MALRD1: variants seen among roughly 807,000 people sequenced by gnomAD.
The protein encoded by MALRD1 is MAM and LDL receptor class A domain containing 1, also known as MAM and LDL-receptor class A domain-containing protein 1.
In MALRD1, 247 loss-of-function variants were observed where a neutral mutation model predicts 242.1. The ratio of observed to expected loss-of-function variants is 1.02; its 90% CI spans 0.92 to 1.13. The LOEUF is 1.13. Ranked by LOEUF, MALRD1 falls within the 50% of genes most tolerant of loss-of-function variation. The pLI is 0.00. For synonymous variants in MALRD1, 995 were observed against 866.6 expected, an observed-to-expected ratio of 1.15 and a Z score of -2.60; for missense variants, 2,989 against 2,533.1, an observed-to-expected ratio of 1.18 and a Z score of -3.86.
intron 38 of MALRD1, among the ~76,000 whole-genome samples, chr10:19,706,421 C>T (rs1420523942): frequency 1.3e-5 from 2 of 151,996 alleles, no homozygotes; most frequent in Admixed American, 6.6e-5. Flanking sequence ...TCTGCCCCCG[C>T]CCCCCTTGGC....
intron 18 of MALRD1, among the ~76,000 whole-genome samples, chr10:19,232,409 T>C (rs1275173702): frequency 6.6e-6 from 1 of 151,766 alleles, no homozygotes. Context: ...AATTCCTGAC[T>C]TCAAGTCATC....
chr10:19,223,433 T>A (rs927038678), intron 18 of MALRD1, among the ~76,000 whole-genome samples: 1 of 151,012 alleles, frequency 6.6e-6, no homozygotes, highest in Non-Finnish European at 1.5e-5. Flanking sequence ...TTTTTTTTTT[T>A]AACTCAAACA....
intron 18 of MALRD1, among the ~76,000 whole-genome samples, chr10:19,217,257 T>C (rs7097491): frequency 0.37 from 56,856 of 152,016 alleles, 11,412 homozygotes; most frequent in Middle Eastern, 0.47. Flanking sequence ...CCCATGTTTC[T>C]GTGTGCCTCT....
In MALRD1 at chr10:19,101,065, A is replaced by G. The variant is rs145418447; in HGVS notation, c.598-2914A>G. ...TAGTGAACATTATTTAATGCTAACT[A>G]TATACCAGGTGCTGTTTTACATGTT... is the stretch of plus-strand genomic sequence containing the variant. On this transcript the variant is annotated intron_variant, in intron 4 of 39. Transcript: ENST00000454679. Among the ~76,000 whole-genome samples the G allele has an allele frequency of 1.5e-3, 221 of 152,000 alleles. 1 individual carries two copies. The highest frequency in any genetic ancestry group is 2.7e-3 in the Admixed American group (41 of 15,244).
intron 32 of MALRD1, among the ~76,000 whole-genome samples, chr10:19,544,765 T>C (rs1314977347): frequency 6.6e-6 from 1 of 152,172 alleles, no homozygotes; most frequent in African/African-American, 2.4e-5. Context: ...TCTACCTTCT[T>C]GGCAATCATA....
chr10:19,339,339 A>G (rs962125465), intron 24 of MALRD1, among the ~76,000 whole-genome samples: 5 of 152,138 alleles, frequency 3.3e-5, no homozygotes, highest in Non-Finnish European at 7.4e-5. Context: ...TCCTGAGCTT[A>G]TATTTTTCTC....
At chr10:19,644,217 G>A (rs1840544444) in intron 36 of MALRD1, among the ~76,000 whole-genome samples, 3 of 152,164 alleles carry the variant, frequency 2.0e-5, no homozygotes, top group African/African-American at 4.8e-5. Context: ...AACTCTTGAT[G>A]TTAAGAAGGG....
intron 19 of MALRD1, among the ~76,000 whole-genome samples, chr10:19,268,621 C>A (rs1840064666): frequency 6.6e-6 from 1 of 152,096 alleles, no homozygotes. Context: ...ATATAAAGTA[C>A]AATGATTCAT....
intron 4 of MALRD1, among the ~76,000 whole-genome samples, chr10:19,101,286 A>T (rs1392794543): frequency 6.8e-6 from 1 of 146,652 alleles, no homozygotes; most frequent in African/African-American, 2.5e-5. Context: ...ATATGTAATA[A>T]ATATATAACA....
In MALRD1 at chr10:19,296,482, A is replaced by T. The variant is rs142759117; in HGVS notation, c.3419+13301A>T. Among the ~76,000 whole-genome samples, 272 of 152,222 alleles carry T rather than the reference A, an allele frequency of 1.8e-3. 1 individual carries two copies. The highest frequency in any genetic ancestry group is 3.1e-3 in the Non-Finnish European group (208 of 68,006). On this transcript the variant is annotated intron_variant, in intron 21 of 39. Transcript: ENST00000454679. ...TGCTGTCTTCATCATTTTGTGGGGA[A>T]AATTTCAGGAATGATAAATTATTCT... is the stretch of plus-strand genomic sequence containing the variant.
At chr10:19,556,570 C>T (rs538578416) in intron 32 of MALRD1, among the ~76,000 whole-genome samples, 3 of 152,170 alleles carry the variant, frequency 2.0e-5, no homozygotes, top group East Asian at 3.9e-4. Context: ...TGTAAGTCCC[C>T]TCTCTGTCTT....
chr10:19,195,549 A>G (rs1220220192), intron 14 of MALRD1, among the ~76,000 whole-genome samples: 1 of 152,056 alleles, frequency 6.6e-6, no homozygotes, highest in African/African-American at 2.4e-5. Context: ...TTTAATTGGG[A>G]TCTTAAATTT....
chr10:19,606,988 C>A (rs1218407972), intron 34 of MALRD1, among the ~76,000 whole-genome samples: 1 of 152,080 alleles, frequency 6.6e-6, no homozygotes, highest in Non-Finnish European at 1.5e-5. Flanking sequence ...TTAAATTAAT[C>A]ACGTTGTATA....
intron 11 of MALRD1, among the ~76,000 whole-genome samples, chr10:19,146,885 C>T (rs1270414095): frequency 6.6e-6 from 1 of 152,188 alleles, no homozygotes; most frequent in Non-Finnish European, 1.5e-5. Flanking sequence ...ACCATAACTA[C>T]CTGTGGTTTT....
intron 29 of MALRD1, among the ~76,000 whole-genome samples, chr10:19,455,893 T>C (rs1463667228): frequency 6.6e-6 from 1 of 152,150 alleles, no homozygotes; most frequent in Non-Finnish European, 1.5e-5. Context: ...TTTCAGTGCC[T>C]CTTTCTTAAT....
intron 28 of MALRD1, among the ~76,000 whole-genome samples, chr10:19,441,691 A>G (rs1376592308): frequency 3.3e-5 from 5 of 152,064 alleles, no homozygotes; most frequent in East Asian, 1.9e-4. Context: ...ATTGGTCTAT[A>G]TCTGTTTTTT....
At chr10:19,123,075 C>T (rs920745991) in intron 5 of MALRD1, among the ~76,000 whole-genome samples, 1 of 152,128 alleles carries the variant, frequency 6.6e-6, no homozygotes, top group East Asian at 1.9e-4. Flanking sequence ...AAAGCAGTTC[C>T]AGGGAAGATC....
At chr10:19,273,284 T>C (rs555208612) in intron 19 of MALRD1, among the ~76,000 whole-genome samples, 2 of 152,322 alleles carry the variant, frequency 1.3e-5, no homozygotes, top group African/African-American at 4.8e-5. Context: ...TCACGTTCAT[T>C]GCTGGTAGAA....
At chr10:19,480,170 A>G (rs1453833143) in intron 29 of MALRD1, among the ~76,000 whole-genome samples, 1 of 152,238 alleles carries the variant, frequency 6.6e-6, no homozygotes, top group Non-Finnish European at 1.5e-5. Context: ...CTCATGAGTC[A>G]GGAGTAGAGA....
Sources: gnomAD v4.1 joint callset for allele counts (sites outside exome capture counted in the v4.1 genomes callset) on GRCh38, gnomAD v4.1.1 for gene constraint, MANE v1.5 for transcripts, NCBI Gene and HGNC (gene_info 2026-07-23, HGNC 2026-07-21) for gene names.